The following MORC2 variants were observed in gnomAD, a reference collection of about 807,000 sequenced individuals.
The protein encoded by MORC2 is ATPase MORC2.
MORC2 carries 30 observed loss-of-function variants against 136.0 expected under a neutral mutation model. The ratio of observed to expected loss-of-function variants is 0.22; its 90% CI spans 0.17 to 0.30. MORC2 has a LOEUF of 0.30. Among genes scored for constraint, MORC2 ranks in the 10% least tolerant of loss-of-function variants. MORC2 has a pLI of 1.00. For synonymous variants in MORC2, 439 were observed against 487.0 expected, an observed-to-expected ratio of 0.90 and a Z score of 1.30; for missense variants, 922 against 1,333.1, an observed-to-expected ratio of 0.69 and a Z score of 4.80.
intron 5 of MORC2, among the ~76,000 whole-genome samples, chr22:30,948,168 A>G (rs1185129447): frequency 2.6e-5 from 4 of 152,210 alleles, no homozygotes; most frequent in African/African-American, 4.8e-5. Context: ...TTCTAGAGTA[A>G]GAAACAGACA....
chr22:30,961,495 T>C (rs1339133727), intron 1 of MORC2, among the ~76,000 whole-genome samples: 1 of 152,206 alleles, frequency 6.6e-6, no homozygotes, highest in African/African-American at 2.4e-5. Context: ...CCCTAAATAT[T>C]TTTGAGGATT....
Position 30,934,179 on chromosome 22 carries a change from G to A in MORC2, c.2206C>T (p.Arg736Trp), listed in dbSNP as rs767451837. Residue 736 changes from arginine (R) to tryptophan (W), a missense_variant, in exon 20 of 26, where the codon CGG (arginine) becomes TGG (tryptophan). Physicochemically the swap from Arg to Trp is moderately radical, Grantham distance 101. Around this residue, in one of 9 missense-constraint regions of MORC2, gnomAD observed 263 missense variants for 388.3 expected, o/e 0.68. Coordinates refer to ENST00000397641, the MANE Select transcript of MORC2 (RefSeq NM_001303256.3). The surrounding 1 kb of genome is among the most constrained non-coding windows in gnomAD (Gnocchi z 4.4). ...PIKLSPATPS[R>W]KRSVAVSDEE... The stretch of plus-strand genomic sequence containing the variant: ...TCAGAAACTGCGACACTCCGCTTCC[G>A]ACTAGGGGTAGCCTAGAGCAAGAGG... The A allele has an allele frequency of 2.5e-5, 41 of 1,613,962 alleles. No individual in the cohort carries two copies. Among genetic ancestry groups the A allele is most frequent in the Non-Finnish European group, 3.4e-5 (40 of 1,180,038 alleles).
Position 30,934,792 on chromosome 22 carries a change from T to C in MORC2, c.2182A>G (p.Lys728Glu), listed in dbSNP as rs1189904059. ...GACAAGCGTCTCACCGGGGAGAGTTTGATGGGTGACTCTGTCTTCTTCACC... is the reference window on the plus strand; with the variant it reads ...GACAAGCGTCTCACCGGGGAGAGTTCGATGGGTGACTCTGTCTTCTTCACC... ...PVVKKTESPI[K>E]LSPATPSRKR... The change falls in exon 19 of 26, where the codon AAA becomes GAA. Residue 728 changes from lysine (K) to glutamate (E), a missense_variant. By Grantham distance (56) the Lys-to-Glu change is moderately conservative. Transcript: ENST00000397641. This position sits in a 1 kb window ranked among gnomAD's most constrained non-coding sequence, Gnocchi z 4.4. 6.2e-7 allele frequency: 1 copy of C among 1,613,892 alleles called. No individual in the cohort carries two copies. The highest frequency in any genetic ancestry group is 1.7e-5 in the Admixed American group (1 of 59,992).
chr22:30,938,240 A>T, intron 12 of MORC2, 35 bp from the exon 13 acceptor site: 1 of 1,611,458 alleles, frequency 6.2e-7, no homozygotes, highest in Non-Finnish European at 8.5e-7. Context: ...AGATCTACAC[A>T]TCGGCACACA....
chr22:30,938,350 T>C, intron 12 of MORC2, 145 bp from the exon 13 acceptor site: 1 of 905,884 alleles, frequency 1.1e-6, no homozygotes, highest in Admixed American at 2.7e-5. Flanking sequence ...CTGTTAGACT[T>C]GATATGGACA....
intron 6 of MORC2, among the ~76,000 whole-genome samples, chr22:30,942,940 G>A (rs918581752): frequency 1.3e-5 from 2 of 152,122 alleles, no homozygotes; most frequent in Non-Finnish European, 2.9e-5. Flanking sequence ...GGGAGGCGGA[G>A]GTTGCAGTGA....
At position 30,932,126 on chromosome 22, in the gene MORC2, G is replaced by C. The variant is rs551815983; in HGVS notation, c.2841+233C>G. The C allele has an allele frequency of 1.1e-3, 518 of 477,494 alleles. 2 individuals are homozygous for C. The highest frequency in any genetic ancestry group is 9.1e-3 in the African/African-American group (467 of 51,548). 29.6% of individuals were successfully genotyped at this position (477,494 alleles called of 1,614,324 possible). A position where few individuals can be genotyped will look rare whatever the true frequency, so the allele number is the denominator to read the frequency against. On this transcript the variant is annotated intron_variant, in intron 24 of 25. Coordinates refer to ENST00000397641, the MANE Select transcript of MORC2 (RefSeq NM_001303256.3). The surrounding 1 kb of genome is among the most constrained non-coding windows in gnomAD (Gnocchi z 4.4). ...GACTCAACTCCTAGCACCTGTGGTG[G>C]GAAGGGGTTGGCTTTCTGCACACCA...
At position 30,950,431 on chromosome 22, in the gene MORC2, G is replaced by C. The variant is rs760345377; in HGVS notation, c.172C>G (p.Leu58Val). Residue 58 changes from leucine to valine, a missense_variant, in exon 4 of 26, where the codon CTT becomes GTT. Transcript: ENST00000397641. ...IDIYAERRED[L>V]RGGFMLCFLD... ...AAGCAAAGCATAAATCCTCCTCGAA[G>C]GTCCTCTCGTCTTTCTGTAAAAGAA... The C allele has an allele frequency of 1.3e-6, 2 of 1,565,718 alleles. No individual in the cohort carries two copies. The highest frequency in any genetic ancestry group is 1.7e-6 in the Non-Finnish European group (2 of 1,157,406).
rs773617883 is a variant in MORC2 at position 30,928,099 on chromosome 22, C to T, written c.2950G>A (p.Glu984Lys). The T allele has an allele frequency of 9.3e-6, 15 of 1,613,992 alleles. No homozygotes were observed. Among genetic ancestry groups the T allele is most frequent in the South Asian group, 2.2e-5 (2 of 91,080 alleles). The change falls in exon 25 of 26, where the codon GAG (glutamate) becomes AAG (lysine). Residue 984 changes from glutamate to lysine, a missense_variant. Glu to Lys is a moderately conservative substitution (Grantham distance 56, BLOSUM62 1). Coordinates refer to ENST00000397641, the MANE Select transcript of MORC2 (RefSeq NM_001303256.3). ...KASEESLRTS[E>K]RKLRETEEKL... The stretch of plus-strand genomic sequence containing the variant: ...TCCTCCGTCTCGCGGAGCTTCCTCT[C>T]GGAGGTGCGCAGGCTTTCCTCGGAG...
intron 24 of MORC2, among the ~76,000 whole-genome samples, chr22:30,931,440 G>A (rs970192458): frequency 3.3e-5 from 5 of 152,220 alleles, no homozygotes; most frequent in Admixed American, 1.3e-4. Flanking sequence ...TGGTTTGGAT[G>A]ACAGTTCCTT....
chr22:30,956,396 C>T (rs893371933), intron 3 of MORC2, among the ~76,000 whole-genome samples: 2 of 152,194 alleles, frequency 1.3e-5, no homozygotes, highest in African/African-American at 4.8e-5. Flanking sequence ...AAGTGGCCTC[C>T]AACAAGATCT....
Position 30,925,197 on chromosome 22 carries a change from C to G in MORC2, c.*1606G>C, listed in dbSNP as rs2040465832. 3.5e-6 allele frequency: 1 copy of G among 289,750 alleles called. No homozygotes were observed. The highest frequency in any genetic ancestry group is 3.2e-5 in the South Asian group (1 of 31,518). The allele number at this position is 289,750 out of a possible 1,614,324, so 17.9% of individuals were successfully genotyped here. A position where few individuals can be genotyped will look rare whatever the true frequency, so the allele number is the denominator to read the frequency against. ...ATTACATGTGTGTGAATTTTAAAAA[C>G]TGATTACCCTCCAGTAAAAATGTGG... On this transcript the variant is annotated 3_prime_UTR_variant, in exon 26 of 26. Transcript: ENST00000397641.
In MORC2 at chr22:30,934,787, G is replaced by C. The variant is rs764762092; in HGVS notation, c.2187C>G (p.Leu729=). 5 of 1,614,010 alleles carry C rather than the reference G, an allele frequency of 3.1e-6. No individual in the cohort carries two copies. In the Admixed American group the frequency reaches 8.3e-5, roughly 27 times the overall value. Residue 729 remains leucine (L), a synonymous_variant, in exon 19 of 26, where the codon CTC becomes CTG. Transcript: ENST00000397641. The surrounding 1 kb of genome is among the most constrained non-coding windows in gnomAD (Gnocchi z 4.4). The part of the protein sequence containing the change: ...VVKKTESPIK[L]SPATPSRKRS... ...AAGAGGACAAGCGTCTCACCGGGGAGAGTTTGATGGGTGACTCTGTCTTCT... is the reference window on the plus strand; with the variant it reads ...AAGAGGACAAGCGTCTCACCGGGGACAGTTTGATGGGTGACTCTGTCTTCT...
intron 3 of MORC2, among the ~76,000 whole-genome samples, chr22:30,951,272 C>T (rs1232720482): frequency 6.6e-6 from 1 of 152,224 alleles, no homozygotes; most frequent in Non-Finnish European, 1.5e-5. Flanking sequence ...CAGCAGTTGT[C>T]TTCTGCAGCA....
intron 1 of MORC2, chr22:30,967,525 G>A (rs927101149): frequency 1.8e-5 from 22 of 1,193,266 alleles, no homozygotes; most frequent in South Asian, 1.7e-4. Flanking sequence ...AGCAGTATTT[G>A]TTGGATTCCT....
rs772600152 is a variant in MORC2, at chr22:30,933,474, G to C, written c.2372C>G (p.Ala791Gly). Residue 791 changes from alanine (A) to glycine (G), a missense_variant, in exon 21 of 26, where the codon GCT (alanine) becomes GGT (glycine). Transcript: ENST00000397641. ...GEEDSADLKR[A>G]QKDKGLHVEV... The stretch of plus-strand genomic sequence containing the variant: ...TCACTCCCCCAGCTCACCTTTCTGA[G>C]CTCTCTTGAGGTCAGCCGAGTCCTC... 2 of 1,613,780 alleles carry C rather than the reference G, an allele frequency of 1.2e-6. No individual in the cohort carries two copies. Among genetic ancestry groups the C allele is most frequent in the Non-Finnish European group, 1.7e-6 (2 of 1,179,924 alleles).
intron 1 of MORC2, among the ~76,000 whole-genome samples, chr22:30,962,837 A>C (rs1035332610): frequency 3.3e-5 from 5 of 152,246 alleles, no homozygotes; most frequent in Non-Finnish European, 7.3e-5. Context: ...CCAGATGCTA[A>C]AATCAAGAGT....
chr22:30,937,087 T>C lies in MORC2; in HGVS notation c.1499-50A>G. On this transcript the variant is annotated intron_variant, in intron 15 of 25. Transcript: ENST00000397641. This position sits in a 1 kb window ranked among gnomAD's most constrained non-coding sequence, Gnocchi z 4.7. The stretch of plus-strand genomic sequence containing the variant: ...ATATCAGCCACGCCCACCAACTCTA[T>C]CTGTAATCCGGGTTCCTCACAGGCC... 1 of 1,383,682 alleles carries C rather than the reference T, an allele frequency of 7.2e-7. No homozygotes were observed. The highest frequency in any genetic ancestry group is 1.0e-6 in the Non-Finnish European group (1 of 975,150). 85.7% of individuals were successfully genotyped at this position (1,383,682 alleles called of 1,614,324 possible). A position where few individuals can be genotyped will look rare whatever the true frequency, so the allele number is the denominator to read the frequency against.
chr22:30,936,911 CT>C lies in MORC2; in HGVS notation c.1604+20del, dbSNP rs780534080. On this transcript the variant is annotated intron_variant, in intron 16 of 25. Coordinates refer to ENST00000397641, the MANE Select transcript of MORC2 (RefSeq NM_001303256.3). Reference sequence around the variant, plus strand: ...AGGGGAGAAAAGTACCCACAATCCCCTTGTTAGACAATGTGCTCACCGGTCC... The same window carrying C: ...AGGGGAGAAAAGTACCCACAATCCCCTGTTAGACAATGTGCTCACCGGTCC... The C allele has an allele frequency of 6.2e-7, 1 of 1,600,758 alleles. No homozygotes were observed. The highest frequency in any genetic ancestry group is 1.1e-5 in the South Asian group (1 of 90,560).
Sources: gnomAD v4.1 joint callset for allele counts (sites outside exome capture counted in the v4.1 genomes callset) on GRCh38, gnomAD v4.1.1 for gene constraint, gnomAD v4.1.1 regional missense constraint, Gnocchi (gnomAD v3.1) non-coding constraint, MANE v1.5 for transcripts, NCBI Gene and HGNC (gene_info 2026-07-23, HGNC 2026-07-21) for gene names.